Variants in KRT25 observed in about 807,000 individuals in gnomAD.
KRT25 encodes keratin, type I cytoskeletal 25.
KRT25 carries 37 observed loss-of-function variants against 47.6 expected under a neutral mutation model. The observed-to-expected ratio is 0.78, with a 90% confidence interval of 0.60 to 1.02. The LOEUF is 1.02. Ranked by LOEUF, KRT25 falls within the 50% of genes least tolerant of loss-of-function variation. KRT25 has a pLI of 0.00. For missense variants in KRT25, 542 were observed against 550.3 expected (o/e 0.98, Z 0.15); for synonymous variants, 203 against 210.2 (o/e 0.97, Z 0.30).
intron 2 of KRT25, among the ~76,000 whole-genome samples, 169 bp from the exon 3 acceptor site, chr17:40,754,185 C>T (rs1199056645): frequency 1.3e-5 from 2 of 152,130 alleles, no homozygotes; most frequent in Non-Finnish European, 2.9e-5. Context: ...CAGTATTTGA[C>T]AGAAAAAGAA....
Position 40,749,323 on chromosome 17 carries a change from G to T in KRT25, c.1178C>A (p.Ala393Asp). 1 of 1,611,986 alleles carries T rather than the reference G, an allele frequency of 6.2e-7. No homozygotes were observed. Among genetic ancestry groups the T allele is most frequent in the Non-Finnish European group, 8.5e-7 (1 of 1,178,206 alleles). Residue 393 changes from alanine (A) to aspartate (D), a missense_variant and splice_region_variant, in exon 7 of 8, where the codon GCC (alanine) becomes GAC (aspartate). Ala to Asp is a moderately radical substitution (Grantham distance 126). Transcript: ENST00000312150. The stretch of plus-strand genomic sequence containing the variant: ...AGACTTGTAACCCCCAGACTTACAG[G>T]CTCTGTGAAAACATCGCAAAAGAGG... ...YCLLIGGDDG[A>D]CKSGGYKSKD...
chr17:40,750,608 G>T lies in KRT25; in HGVS notation c.958-11C>A. 1 of 1,613,618 alleles carries T rather than the reference G, an allele frequency of 6.2e-7. No individual in the cohort carries two copies. The highest frequency in any genetic ancestry group is 8.5e-7 in the Non-Finnish European group (1 of 1,179,552). On this transcript the variant is annotated splice_polypyrimidine_tract_variant and intron_variant, in intron 5 of 7. Coordinates refer to ENST00000312150, the MANE Select transcript of KRT25 (RefSeq NM_181534.4). ...CTCCAGGGAGTGTTTCTGTCAGGAAGCAATAAAGAGAACTTGAAATGGATA... is the reference window on the plus strand; with the variant it reads ...CTCCAGGGAGTGTTTCTGTCAGGAATCAATAAAGAGAACTTGAAATGGATA...
chr17:40,754,295 G>A, intron 2 of KRT25, 91 bp downstream of exon 2: 1 of 1,071,028 alleles, frequency 9.3e-7, no homozygotes, highest in Non-Finnish European at 1.4e-6. Flanking sequence ...AAATTCAAGT[G>A]TTTTATAATT....
chr17:40,748,569 T>C (rs866801838), intron 7 of KRT25, among the ~76,000 whole-genome samples, 183 bp from the exon 8 acceptor site: 3 of 152,236 alleles, frequency 2.0e-5, no homozygotes, highest in African/African-American at 7.2e-5. Flanking sequence ...CATGTTATTT[T>C]GTTTAAAATT....
At chr17:40,750,123 A>G (rs1474581823) in intron 6 of KRT25, among the ~76,000 whole-genome samples, 1 of 152,092 alleles carries the variant, frequency 6.6e-6, no homozygotes, top group Non-Finnish European at 1.5e-5. Context: ...TTGAAACTCC[A>G]TTTAGCCTCC....
At chr17:40,752,306 T>C (rs2038057267) in intron 3 of KRT25, among the ~76,000 whole-genome samples, 1 of 152,190 alleles carries the variant, frequency 6.6e-6, no homozygotes, top group African/African-American at 2.4e-5. Context: ...TGTTAGAATG[T>C]GTGAGTCAGT....
In KRT25 at chr17:40,748,304, G is replaced by C. The variant is rs1432036023; in HGVS notation, c.1326C>G (p.Ser442=). ...RSKILTTRLH[S]LEEKSQSN The stretch of plus-strand genomic sequence containing the variant: ...AATTGCTTTGAGATTTCTCTTCCAG[G>C]GAGTGGAGCCTGGTGGTAAGTATTT... Residue 442 remains serine (S), a synonymous_variant, in exon 8 of 8, where the codon TCC becomes TCG. Coordinates refer to ENST00000312150, the MANE Select transcript of KRT25 (RefSeq NM_181534.4). 1 of 1,611,514 alleles carries C rather than the reference G, an allele frequency of 6.2e-7. No homozygotes were observed. Among genetic ancestry groups the C allele is most frequent in the Non-Finnish European group, 8.5e-7 (1 of 1,178,746 alleles).
intron 3 of KRT25, 101 bp from the exon 4 acceptor site, chr17:40,751,427 T>A: frequency 7.5e-7 from 1 of 1,338,110 alleles, no homozygotes; most frequent in East Asian, 2.5e-5. Context: ...GGTTTTCCCC[T>A]CCCAGGCTGT....
rs1477405558 is a variant in KRT25 at position 40,754,901 on chromosome 17, C to T, written c.371G>A (p.Arg124His). The change falls in exon 1 of 8, where the codon CGT (arginine) becomes CAT (histidine). Residue 124 changes from arginine (R) to histidine (H), a missense_variant. Transcript: ENST00000312150. The stretch of plus-strand genomic sequence containing the variant: ...TCTGCTATAGTCATGATCAAGACCA[C>T]GGCAAGAGCCAGGCCCAAATTTCTC... Reference protein sequence around the residue: ...WYEKFGPGSCRGLDHDYSRYF... With the variant: ...WYEKFGPGSCHGLDHDYSRYF... The T allele has an allele frequency of 3.1e-6, 5 of 1,614,134 alleles. No homozygotes were observed. Among genetic ancestry groups the T allele is most frequent in the Admixed American group, 1.7e-5 (1 of 60,024 alleles).
In KRT25 at chr17:40,750,517, C is replaced by G; in HGVS notation, c.1038G>C (p.Gly346=). 1 of 1,614,176 alleles carries G rather than the reference C, an allele frequency of 6.2e-7. No individual in the cohort carries two copies. Among genetic ancestry groups the G allele is most frequent in the Non-Finnish European group, 8.5e-7 (1 of 1,180,022 alleles). Residue 346 remains glycine, a synonymous_variant, in exon 6 of 8, where the codon GGG becomes GGC. Transcript: ENST00000312150. ...CCTGGTGCAGCTGCTCCTCCAGGGC[C>G]CCGATCTGAGCCTGGATCTGCGCCA... ...AQLAQIQAQI[G]ALEEQLHQVR... is the part of the protein sequence containing the mutation.
At chr17:40,754,511 G>T in intron 1 of KRT25, 43 bp from the exon 2 acceptor site, 2 of 1,475,264 alleles carry the variant, frequency 1.4e-6, no homozygotes, top group South Asian at 1.1e-5. Flanking sequence ...TAAACCAACT[G>T]AATCTACTTA....
chr17:40,752,780 T>C (rs2038062201), intron 3 of KRT25, among the ~76,000 whole-genome samples: 1 of 152,226 alleles, frequency 6.6e-6, no homozygotes. Flanking sequence ...GTTATATTTA[T>C]AAGACAGCCT....
chr17:40,753,092 C>T (rs893139914), intron 3 of KRT25, among the ~76,000 whole-genome samples: 4 of 151,984 alleles, frequency 2.6e-5, no homozygotes, highest in East Asian at 1.9e-4. Flanking sequence ...TATGTACTAG[C>T]GTTAAGTATG....
At chr17:40,754,096 A>G in intron 2 of KRT25, 80 bp from the exon 3 acceptor site, 2 of 1,378,438 alleles carry the variant, frequency 1.5e-6, no homozygotes, top group Non-Finnish European at 2.0e-6. Context: ...GACAAATGCT[A>G]GCATTCTGGA....
intron 7 of KRT25, 64 bp downstream of exon 7, chr17:40,749,191 CCCA>C: frequency 8.2e-7 from 1 of 1,223,654 alleles, no homozygotes; most frequent in Non-Finnish European, 1.2e-6. Context: ...CCAATGTACC[CCCA>C]AACCTAAATT....
chr17:40,752,100 A>G (rs1397047674), intron 3 of KRT25, among the ~76,000 whole-genome samples: 1 of 152,128 alleles, frequency 6.6e-6, no homozygotes, highest in Non-Finnish European at 1.5e-5. Flanking sequence ...TGCTTATCTG[A>G]AAATTGAGGA....
Position 40,754,856 on chromosome 17 carries a change from T to A in KRT25, c.416A>T (p.Asp139Val), listed in dbSNP as rs572266841. 753 of 1,611,386 alleles carry A rather than the reference T, an allele frequency of 4.7e-4. 7 individuals are homozygous for A. The South Asian group carries it at 8.0e-3, about 17-fold the overall frequency. The change falls in exon 1 of 8, where the codon GAC (aspartate) becomes GTC (valine). Residue 139 changes from aspartate (D) to valine (V), a missense_variant. Coordinates refer to ENST00000312150, the MANE Select transcript of KRT25 (RefSeq NM_181534.4). ...DYSRYFPIIDDLKNQIIASTT... is the reference protein window; with the variant it reads ...DYSRYFPIIDVLKNQIIASTT... Reference sequence around the variant, plus strand: ...ATGATTTCTTACCTGATTTTTAAGGTCATCAATTATTGGGAAATATCTGCT... The same window carrying A: ...ATGATTTCTTACCTGATTTTTAAGGACATCAATTATTGGGAAATATCTGCT...
In KRT25 at chr17:40,754,369, T is replaced by C. The variant is rs373531512; in HGVS notation, c.512+17A>G. On this transcript the variant is annotated intron_variant, in intron 2 of 7. Transcript: ENST00000312150. ...ATGAATTGCCATGAATTCATTTCAC[T>C]CTGGCAGTCTACTTACTTGAGTCTG... The C allele has an allele frequency of 2.1e-5, 33 of 1,601,000 alleles. No homozygotes were observed. Among genetic ancestry groups the C allele is most frequent in the Non-Finnish European group, 2.7e-5 (31 of 1,168,392 alleles).
At position 40,750,554 on chromosome 17, in the gene KRT25, T is replaced by A; in HGVS notation, c.1001A>T (p.Tyr334Phe). 6.2e-7 allele frequency: 1 copy of A among 1,614,248 alleles called. No individual in the cohort carries two copies. Among genetic ancestry groups the A allele is most frequent in the Non-Finnish European group, 8.5e-7 (1 of 1,180,046 alleles). ...ECSLTETESN[Y>F]CAQLAQIQAQ... The stretch of plus-strand genomic sequence containing the variant: ...CTGGATCTGCGCCAGCTGCGCACAG[T>A]AGTTGCTCTCGGTCTCTGTCAAGGA... The change falls in exon 6 of 8, where the codon TAC becomes TTC. Residue 334 changes from tyrosine to phenylalanine, a missense_variant. By Grantham distance (22) the Tyr-to-Phe change is conservative (BLOSUM62 3). Transcript: ENST00000312150.
Sources: allele counts gnomAD v4.1 joint callset (sites outside exome capture counted in the v4.1 genomes callset), GRCh38; gene constraint gnomAD v4.1.1; transcripts MANE v1.5; gene names NCBI Gene and HGNC (gene_info 2026-07-23, HGNC 2026-07-21).